The following TERT variants were observed in gnomAD, a reference collection of about 807,000 sequenced individuals.
TERT encodes the protein telomerase reverse transcriptase.
TERT carries 42 observed loss-of-function variants against 104.0 expected under a neutral mutation model. The observed-to-expected ratio is 0.40, with a 90% CI of 0.32 to 0.52. The LOEUF (loss-of-function observed/expected upper bound fraction) is 0.52, where lower values mean the gene tolerates loss of function less well. Ranked by LOEUF, TERT falls within the 20% of genes least tolerant of loss-of-function variation. The probability of loss-of-function intolerance (pLI) is 0.43; values close to 1 mark genes in which losing one functional copy is unlikely to be tolerated. For synonymous variants in TERT, 781 were observed against 725.6 expected (o/e 1.08, Z -1.23); for missense variants, 1,101 against 1,610.3 (o/e 0.68, Z 5.41).
intron 10 of TERT, 122 bp from the exon 11 acceptor site, chr5:1,264,714 G>T: frequency 8.2e-7 from 1 of 1,213,200 alleles, no homozygotes; most frequent in South Asian, 1.3e-5. Flanking sequence ...AGGGTGCTGG[G>T]CCTGGCAGGA....
chr5:1,258,548 G>T, intron 13 of TERT, 50 bp downstream of exon 13: 1 of 1,518,786 alleles, frequency 6.6e-7, no homozygotes, highest in Non-Finnish European at 8.9e-7. Context: ...GGTGAGCAGA[G>T]CGCGGAGGGT....
At chr5:1,282,360 G>C in intron 3 of TERT, 69 bp downstream of exon 3, 1 of 1,529,754 alleles carries the variant, frequency 6.5e-7, no homozygotes, top group Non-Finnish European at 9.1e-7. Context: ...GTGGAGACAG[G>C]CGCATGCTGA....
chr5:1,289,170 C>T (rs544015804), intron 2 of TERT, among the ~76,000 whole-genome samples: 4 of 146,450 alleles, frequency 2.7e-5, no homozygotes, highest in African/African-American at 1.0e-4. Flanking sequence ...CCGGGGGCCG[C>T]AACTCACTCA....
At chr5:1,290,137 G>A (rs1750788772) in intron 2 of TERT, among the ~76,000 whole-genome samples, 1 of 77,382 alleles carries the variant, frequency 1.3e-5, no homozygotes, top group Non-Finnish European at 2.3e-5. Context: ...CGGGGGCCGC[G>A]CCTCACTCAC....
chr5:1,267,387 G>C lies in TERT; in HGVS notation c.2583-852C>G, dbSNP rs113086700. On this transcript the variant is annotated intron_variant, in intron 9 of 15. Coordinates refer to ENST00000310581, the MANE Select transcript of TERT (RefSeq NM_198253.3). ...CAGAACACTTTTACACTGTTGGTGG[G>C]AGTGTAAACTAGTTCAACCATTGTG... Among the ~76,000 whole-genome samples the C allele has an allele frequency of 2.0e-4, 30 of 152,334 alleles. 3 individuals carry two copies. Among genetic ancestry groups the C allele is most frequent in the African/African-American group, 5.8e-4 (24 of 41,568 alleles).
chr5:1,260,737 G>T lies in TERT; in HGVS notation c.2844-137C>A, dbSNP rs540322960. ...TGGGGCATGCGCTGCAGCCCGAGGG[G>T]GCTGGGTGCTCACTCCATGGACTCC... On this transcript the variant is annotated intron_variant, in intron 11 of 15. Coordinates refer to ENST00000310581, the MANE Select transcript of TERT (RefSeq NM_198253.3). 3.3e-4 allele frequency: 411 copies of T among 1,257,698 alleles called. 1 individual carries two copies. The African/African-American group carries it at 5.6e-3, about 17-fold the overall frequency. 77.9% of individuals were successfully genotyped at this position (1,257,698 alleles called of 1,614,324 possible). A position where few individuals can be genotyped will look rare whatever the true frequency, so the allele number is the denominator to read the frequency against.
At position 1,257,002 on chromosome 5, in the gene TERT, G is replaced by A. The variant is rs1389205552; in HGVS notation, c.3033-1591C>T. Among the ~76,000 whole-genome samples the A allele has an allele frequency of 6.6e-6, 1 of 152,178 alleles. No individual in the cohort carries two copies. The highest frequency in any genetic ancestry group is 2.4e-5 in the African/African-American group (1 of 41,470). ...GCAGCCTGGCTGCCGTGAAATCGGG[G>A]CCCAGCTCTCCGTTCTCCCACTCCT... On this transcript the variant is annotated intron_variant, in intron 13 of 15. Transcript: ENST00000310581. The surrounding 1 kb of genome is among the most constrained non-coding windows in gnomAD (Gnocchi z 5.6).
chr5:1,255,170 C>T lies in TERT; in HGVS notation c.3157+117G>A, dbSNP rs1282732495. On this transcript the variant is annotated intron_variant, in intron 14 of 15. Coordinates refer to ENST00000310581, the MANE Select transcript of TERT (RefSeq NM_198253.3). This position sits in a 1 kb window ranked among gnomAD's most constrained non-coding sequence, Gnocchi z 6.9. ...GAGCCTGACAGTGGTTGGGTTAAAC[C>T]ACTTCCTGATGCGAAAAGGGGTAAG... 13 of 1,402,380 alleles carry T rather than the reference C, an allele frequency of 9.3e-6. No individual in the cohort carries two copies. The African/African-American group carries it at 1.6e-4, about 17-fold the overall frequency. The allele number at this position is 1,402,380 out of a possible 1,614,324, so 86.9% of individuals were successfully genotyped here.
rs1335061738 is a variant in TERT, at chr5:1,286,388, G to A, written c.1574-3764C>T. Among the ~76,000 whole-genome samples the A allele has an allele frequency of 3.3e-5, 5 of 152,158 alleles. No individual in the cohort carries two copies. The highest frequency in any genetic ancestry group is 6.6e-5 in the Admixed American group (1 of 15,258). On this transcript the variant is annotated intron_variant, in intron 2 of 15. Coordinates refer to ENST00000310581, the MANE Select transcript of TERT (RefSeq NM_198253.3). This position sits in a 1 kb window ranked among gnomAD's most constrained non-coding sequence, Gnocchi z 5.3. ...GGGAACAAAGGAGGAAAAGCAGGGC[G>A]GGGGCAAAGCTACAGAAACACTCAA...
chr5:1,293,553 G>A lies in TERT; in HGVS notation c.1333C>T (p.Pro445Ser). 1.3e-6 allele frequency: 2 copies of A among 1,548,668 alleles called. No homozygotes were observed. Among genetic ancestry groups the A allele is most frequent in the Non-Finnish European group, 1.7e-6 (2 of 1,145,252 alleles). The change falls in exon 2 of 16, where the codon CCC becomes TCC. Residue 445 changes from proline to serine, a missense_variant. By Grantham distance (74) the Pro-to-Ser change is moderately conservative. This residue lies in a region of TERT where 504 missense variants were observed against 544.6 expected (regional missense o/e 0.93). Transcript: ENST00000310581. ...VAAPEEEDTD[P>S]RRLVQLLRQH... ...CGGAGCAGCTGCACCAGGCGACGGG[G>A]GTCTGTGTCCTCCTCCTCGGGGGCC... is the stretch of plus-strand genomic sequence containing the variant.
chr5:1,282,901 G>C, intron 2 of TERT: 1 of 427,624 alleles, frequency 2.3e-6, no homozygotes, highest in Admixed American at 3.5e-5. Context: ...CACACATCCA[G>C]CTCACCGCAG....
rs200586807 is a variant in TERT at position 1,260,615 on chromosome 5, G to T, written c.2844-15C>A. On this transcript the variant is annotated splice_polypyrimidine_tract_variant and intron_variant, in intron 11 of 15. Transcript: ENST00000310581. ...TCCGGGCATAGCTGAGACACAGGGG[G>T]GAATGTCAGACACAGGTGCCTGCCC... 2.5e-6 allele frequency: 4 copies of T among 1,613,374 alleles called. No individual in the cohort carries two copies. In the East Asian group the frequency reaches 8.9e-5, roughly 36 times the overall value.
chr5:1,258,806 T>G, intron 12 of TERT, 147 bp from the exon 13 acceptor site: 3 of 803,250 alleles, frequency 3.7e-6, no homozygotes, highest in Non-Finnish European at 6.3e-6. Flanking sequence ...AAATCCGGCC[T>G]GGCCCTCACC....
rs1209426363 is a variant in TERT at position 1,286,208 on chromosome 5, C to T, written c.1574-3584G>A. Among the ~76,000 whole-genome samples the T allele has an allele frequency of 6.6e-6, 1 of 152,186 alleles. No individual in the cohort carries two copies. The highest frequency in any genetic ancestry group is 2.4e-5 in the African/African-American group (1 of 41,452). ...TCCTCGTGAGTCTCCACATCTTCATCTGTGCATCATAAGCAGAGGTCCCCG... is the reference window on the plus strand; with the variant it reads ...TCCTCGTGAGTCTCCACATCTTCATTTGTGCATCATAAGCAGAGGTCCCCG... On this transcript the variant is annotated intron_variant, in intron 2 of 15. Transcript: ENST00000310581. This position sits in a 1 kb window ranked among gnomAD's most constrained non-coding sequence, Gnocchi z 5.3.
rs35868315 is a variant in TERT, at chr5:1,280,458, C to G, written c.1770-120G>C. 1.4e-3 allele frequency: 1,612 copies of G among 1,127,820 alleles called. 16 individuals carry two copies. In the African/African-American group the frequency reaches 0.022, roughly 16 times the overall value. The allele number at this position is 1,127,820 out of a possible 1,614,324, so 69.9% of individuals were successfully genotyped here. A position where few individuals can be genotyped will look rare whatever the true frequency, so the allele number is the denominator to read the frequency against. ...GGCTCAGGGCACCCACGGCAGCACA[C>G]GCTGAAGGCCATGCCCGGGGCCACG... On this transcript the variant is annotated intron_variant, in intron 3 of 15. Coordinates refer to ENST00000310581, the MANE Select transcript of TERT (RefSeq NM_198253.3).
rs776487058 is a variant in TERT at position 1,264,519 on chromosome 5, C to G, written c.2728G>C (p.Glu910Gln). 1 of 1,614,038 alleles carries G rather than the reference C, an allele frequency of 6.2e-7. No individual in the cohort carries two copies. Residue 910 changes from glutamate to glutamine, a missense_variant, in exon 11 of 16, where the codon GAA becomes CAA. Physicochemically the swap from Glu to Gln is conservative, Grantham distance 29. Transcript: ENST00000310581. ...LRKTVVNFPV[E>Q]DEALGGTAFV... ...GCCGTGCCACCCAGGGCCTCGTCTT[C>G]TACAGGGAAGTTCACCACTGTCTTC...
At position 1,287,120 on chromosome 5, in the gene TERT, T is replaced by C. The variant is rs1390065557; in HGVS notation, c.1574-4496A>G. On this transcript the variant is annotated intron_variant, in intron 2 of 15. Transcript: ENST00000310581. This position sits in a 1 kb window ranked among gnomAD's most constrained non-coding sequence, Gnocchi z 4.3. ...AAAAAAATGAAAATAAATCAGGTTA[T>C]CCAGTTAAACAACGACTGTCAGACT... 6.6e-6 allele frequency among the ~76,000 whole-genome samples: 1 copy of C among 152,048 alleles called. No homozygotes were observed. Among genetic ancestry groups the C allele is most frequent in the Non-Finnish European group, 1.5e-5 (1 of 68,006 alleles).
chr5:1,253,930 C>T (rs1747525834), intron 15 of TERT, 99 bp from the exon 16 acceptor site: 1 of 1,304,010 alleles, frequency 7.7e-7, no homozygotes, highest in Non-Finnish European at 1.1e-6. Context: ...AGGGCCTGCA[C>T]CTCGTGGCCC....
rs770543108 is a variant in TERT, at chr5:1,268,561, G to T, written c.2541C>A (p.Gly847=). ...CCGCAAACAGCTTGTTCTCCATGTC[G>T]CCGTAGCACAGGCTGCAGAGCAGCG... ...LSTLLCSLCY[G]DMENKLFAGI... Residue 847 remains glycine (G), a synonymous_variant, in exon 9 of 16, where the codon GGC becomes GGA. Coordinates refer to ENST00000310581, the MANE Select transcript of TERT (RefSeq NM_198253.3). The surrounding 1 kb of genome is among the most constrained non-coding windows in gnomAD (Gnocchi z 5.5). 1.2e-6 allele frequency: 2 copies of T among 1,613,396 alleles called. No homozygotes were observed. Among genetic ancestry groups the T allele is most frequent in the Non-Finnish European group, 1.7e-6 (2 of 1,180,030 alleles).
Sources: gnomAD v4.1 joint callset for allele counts (sites outside exome capture counted in the v4.1 genomes callset) on GRCh38, gnomAD v4.1.1 for gene constraint, gnomAD v4.1.1 regional missense constraint, Gnocchi (gnomAD v3.1) non-coding constraint, MANE v1.5 for transcripts, NCBI Gene and HGNC (gene_info 2026-07-23, HGNC 2026-07-21) for gene names.